The following AGBL1 variants were observed in gnomAD, a reference collection of about 807,000 sequenced individuals.
The protein encoded by AGBL1 is AGBL carboxypeptidase 1.
Under a neutral mutation model 118.9 loss-of-function variants are expected in AGBL1, and 130 were observed. The ratio of observed to expected loss-of-function variants is 1.09; its 90% CI spans 0.95 to 1.26. The LOEUF (loss-of-function observed/expected upper bound fraction) is 1.26, where lower values mean the gene tolerates loss of function less well. AGBL1 is among the 50% of genes most tolerant of loss of function. The pLI, the probability that AGBL1 is intolerant of heterozygous loss-of-function variation, is 0.00. For missense variants in AGBL1, 1,584 were observed against 1,298.1 expected (o/e 1.22, Z -3.38); for synonymous variants, 555 against 478.9 (o/e 1.16, Z -2.08).
At chr15:86,253,003 TAAGA>T (rs1322834604) in intron 7 of AGBL1, among the ~76,000 whole-genome samples, 2 of 151,890 alleles carry the variant, frequency 1.3e-5, no homozygotes, top group Admixed American at 6.6e-5. Flanking sequence ...ACCTGAATAG[TAAGA>T]AAGAACCAGT....
At chr15:86,967,897 A>G (rs1376820505) in intron 23 of AGBL1, among the ~76,000 whole-genome samples, 3 of 152,082 alleles carry the variant, frequency 2.0e-5, no homozygotes, top group Non-Finnish European at 4.4e-5. Context: ...ATGGCATTGA[A>G]TGTATAAATT....
In AGBL1 at chr15:86,534,829, A is replaced by G. The variant is rs141935464; in HGVS notation, c.2686-11173A>G. Reference sequence around the variant, plus strand: ...CTCTATGTGTCTGTTTATGTAAAGTATAAGATCAGTGAAAGTAATTTATGG... The same window carrying G: ...CTCTATGTGTCTGTTTATGTAAAGTGTAAGATCAGTGAAAGTAATTTATGG... On this transcript the variant is annotated intron_variant, in intron 19 of 22. Coordinates refer to ENST00000614907, the MANE Select transcript of AGBL1 (RefSeq NM_001386094.1). Among the ~76,000 whole-genome samples the G allele has an allele frequency of 2.9e-3, 442 of 152,314 alleles. 4 individuals carry two copies. Among genetic ancestry groups the G allele is most frequent in the African/African-American group, 8.2e-3 (339 of 41,568 alleles).
rs146568753 is a variant in AGBL1, at chr15:86,411,753, A to G, written c.2555+14207A>G. Among the ~76,000 whole-genome samples, 1,521 of 152,226 alleles carry G rather than the reference A, an allele frequency of 1.0e-2. 32 individuals are homozygous for G. The highest frequency in any genetic ancestry group is 0.033 in the African/African-American group (1,371 of 41,526). ...ACTCTTTTTGGCCATTTTTTTTGTC[A>G]TTACTCTGCATAATAACAAGGAAAC... On this transcript the variant is annotated intron_variant, in intron 18 of 22. Coordinates refer to ENST00000614907, the MANE Select transcript of AGBL1 (RefSeq NM_001386094.1).
intron 13 of AGBL1, among the ~76,000 whole-genome samples, chr15:86,268,883 G>T (rs2079113600): frequency 6.6e-6 from 1 of 152,212 alleles, no homozygotes; most frequent in African/African-American, 2.4e-5. Context: ...CAGTGTGGGA[G>T]AGTATGAATG....
At chr15:86,399,184 C>T (rs764785547) in intron 18 of AGBL1, among the ~76,000 whole-genome samples, 1 of 152,100 alleles carries the variant, frequency 6.6e-6, no homozygotes, top group Non-Finnish European at 1.5e-5. Flanking sequence ...GCTGGAAAGG[C>T]CCCAAAGCAG....
chr15:86,127,335 A>G (rs2141597968), intron 1 of AGBL1, among the ~76,000 whole-genome samples: 1 of 152,332 alleles, frequency 6.6e-6, no homozygotes, highest in Middle Eastern at 3.4e-3. Context: ...GCTCATCCCA[A>G]AAAGTGTAAT....
At chr15:86,526,571 T>TAC (rs1448639888) in intron 19 of AGBL1, among the ~76,000 whole-genome samples, 4 of 119,186 alleles carry the variant, frequency 3.4e-5, no homozygotes, top group Non-Finnish European at 5.3e-5. Context: ...TATATATATA[T>TAC]ATACACACAG....
At chr15:86,970,738 T>C (rs2081099568) in intron 23 of AGBL1, among the ~76,000 whole-genome samples, 1 of 151,974 alleles carries the variant, frequency 6.6e-6, no homozygotes, top group African/African-American at 2.4e-5. Flanking sequence ...TCAGTTTCCA[T>C]ATGCATATTG....
intron 19 of AGBL1, among the ~76,000 whole-genome samples, chr15:86,539,510 G>A (rs2083466911): frequency 6.6e-6 from 1 of 152,120 alleles, no homozygotes; most frequent in African/African-American, 2.4e-5. Context: ...TTCTTGCTTA[G>A]TTTAAAGGCT....
chr15:86,295,298 T>C lies in AGBL1; in HGVS notation c.2264T>C (p.Val755Ala), dbSNP rs190282686. ...GAAAAGAGTGTCAACCTCAAAGAGG[T>C]CTACTTCCGGCAAGATGTTCTCTGC... Reference protein sequence around the residue: ...ILEKSVNLKEVYFRQDVLCQT... With the variant: ...ILEKSVNLKEAYFRQDVLCQT... The change falls in exon 17 of 23, where the codon GTC becomes GCC. Residue 755 changes from valine to alanine, a missense_variant. Transcript: ENST00000614907. 2.5e-6 allele frequency: 4 copies of C among 1,613,548 alleles called. No homozygotes were observed. Among genetic ancestry groups the C allele is most frequent in the Non-Finnish European group, 3.4e-6 (4 of 1,179,668 alleles).
At chr15:86,560,473 C>A (rs2083801075) in intron 21 of AGBL1, among the ~76,000 whole-genome samples, 2 of 152,180 alleles carry the variant, frequency 1.3e-5, no homozygotes, top group Admixed American at 1.3e-4. Context: ...ATGAACTCAT[C>A]CTTTTTTATA....
chr15:86,853,935 G>A (rs969314633), intron 22 of AGBL1, among the ~76,000 whole-genome samples: 1 of 151,942 alleles, frequency 6.6e-6, no homozygotes. Context: ...AGATGATAAA[G>A]GTCAAAGAAA....
chr15:86,235,461 C>T lies in AGBL1; in HGVS notation c.526+10510C>T, dbSNP rs76064051. The stretch of plus-strand genomic sequence containing the variant: ...TTAAATTTTAGAACTTGTATCATCC[C>T]GGCATAATTGATGACTGGCTATGGA... On this transcript the variant is annotated intron_variant, in intron 6 of 22. Transcript: ENST00000614907. Among the ~76,000 whole-genome samples the T allele has an allele frequency of 2.7e-4, 41 of 152,204 alleles. 1 individual carries two copies. In the South Asian group the frequency reaches 7.5e-3, roughly 28 times the overall value.
intron 24 of AGBL1, among the ~76,000 whole-genome samples, chr15:87,001,765 G>A (rs1359518226): frequency 1.3e-5 from 2 of 151,990 alleles, no homozygotes; most frequent in African/African-American, 2.4e-5. Flanking sequence ...TCTGTTGGTG[G>A]CATAAATGTC....
At chr15:86,472,881 T>C (rs1270837863) in intron 18 of AGBL1, among the ~76,000 whole-genome samples, 1 of 152,180 alleles carries the variant, frequency 6.6e-6, no homozygotes, top group East Asian at 1.9e-4. Flanking sequence ...ATTGCACCAC[T>C]GCACTCTAGT....
chr15:86,815,073 A>T (rs2078840452), intron 22 of AGBL1, among the ~76,000 whole-genome samples: 1 of 152,140 alleles, frequency 6.6e-6, no homozygotes, highest in Non-Finnish European at 1.5e-5. Flanking sequence ...TGAGGAAAGA[A>T]TTATGGGAAA....
At chr15:87,024,278 A>G (rs1251195406) in intron 24 of AGBL1, among the ~76,000 whole-genome samples, 1 of 152,012 alleles carries the variant, frequency 6.6e-6, no homozygotes, top group Non-Finnish European at 1.5e-5. Flanking sequence ...TAAGTTCAAT[A>G]AGAAATAAAA....
intron 16 of AGBL1, 140 bp downstream of exon 16, chr15:86,279,923 A>G (rs1161986805): frequency 1.0e-5 from 12 of 1,149,794 alleles, no homozygotes. Context: ...TAAAGGAGCC[A>G]GGTTTTGTTG....
chr15:86,972,781 T>C (rs1031014871), intron 23 of AGBL1, among the ~76,000 whole-genome samples: 3 of 152,096 alleles, frequency 2.0e-5, no homozygotes, highest in African/African-American at 7.2e-5. Context: ...TTTCATTGTA[T>C]GCTAATCTAT....
Sources: allele counts gnomAD v4.1 joint callset (sites outside exome capture counted in the v4.1 genomes callset), GRCh38; gene constraint gnomAD v4.1.1; transcripts MANE v1.5; gene names NCBI Gene and HGNC (gene_info 2026-07-23, HGNC 2026-07-21).